Variants in SPATS2L observed in about 807,000 individuals in gnomAD.
SPATS2L encodes the protein SPATS2-like protein.
SPATS2L carries 30 observed loss-of-function variants against 59.6 expected under a neutral mutation model. The observed-to-expected ratio is 0.50, with a 90% CI of 0.38 to 0.68. The LOEUF (loss-of-function observed/expected upper bound fraction) is 0.68, where lower values mean the gene tolerates loss of function less well. SPATS2L is among the 30% of genes least tolerant of loss of function. SPATS2L has a pLI of 0.00. For missense variants in SPATS2L, 615 were observed against 700.0 expected (o/e 0.88, Z 1.37); for synonymous variants, 252 against 263.5 (o/e 0.96, Z 0.42).
chr2:200,337,268 T>A (rs1272316931), intron 2 of SPATS2L, among the ~76,000 whole-genome samples: 4 of 152,254 alleles, frequency 2.6e-5, no homozygotes, highest in South Asian at 2.1e-4. Flanking sequence ...CAAAATTTTT[T>A]AATAAAGTAA....
Position 200,482,195 on chromosome 2 carries a change from A to C in SPATS2L, c.*4164A>C, listed in dbSNP as rs1378072755. On this transcript the variant is annotated 3_prime_UTR_variant, in exon 13 of 13. Transcript: ENST00000409140. ...GCTAAGAATTTGAAATGTAATTTAA[A>C]TACTATTCTTTACAATCCATTATAA... The C allele has an allele frequency of 1.3e-5, 2 of 152,198 alleles. No homozygotes were observed. The highest frequency in any genetic ancestry group is 2.9e-5 in the Non-Finnish European group (2 of 68,032). 9.4% of individuals were successfully genotyped at this position (152,198 alleles called of 1,614,324 possible). A position where few individuals can be genotyped will look rare whatever the true frequency, so the allele number is the denominator to read the frequency against.
intron 2 of SPATS2L, among the ~76,000 whole-genome samples, chr2:200,379,950 A>G (rs759890225): frequency 2.6e-5 from 4 of 152,140 alleles, no homozygotes; most frequent in Admixed American, 6.5e-5. Context: ...CCACATCTCT[A>G]TGGAAACACA....
At chr2:200,415,072 T>C (rs889670690) in intron 4 of SPATS2L, among the ~76,000 whole-genome samples, 2 of 152,236 alleles carry the variant, frequency 1.3e-5, no homozygotes, top group Non-Finnish European at 2.9e-5. Context: ...AAAGGGACTT[T>C]CTAAATTTCT....
intron 2 of SPATS2L, among the ~76,000 whole-genome samples, chr2:200,388,728 G>C (rs905769749): frequency 2.0e-5 from 3 of 151,680 alleles, no homozygotes; most frequent in Non-Finnish European, 4.4e-5. Flanking sequence ...TTGTGGGGTG[G>C]ATTCTTATGT....
intron 3 of SPATS2L, among the ~76,000 whole-genome samples, chr2:200,401,272 C>A (rs2082518145): frequency 6.6e-6 from 1 of 152,114 alleles, no homozygotes; most frequent in Non-Finnish European, 1.5e-5. Flanking sequence ...CCATGAGAGA[C>A]CCTGAGGCAG....
Position 200,419,361 on chromosome 2 carries a change from C to A in SPATS2L, c.310C>A (p.Gln104Lys). ...GPLQPQPPQIQNGPMNGCEKD... is the reference protein window; with the variant it reads ...GPLQPQPPQIKNGPMNGCEKD... Reference sequence around the variant, plus strand: ...CCTGCAGCCGCAGCCACCACAGATTCAAAACGGCCCCATGAATGGCTGCGA... The same window carrying A: ...CCTGCAGCCGCAGCCACCACAGATTAAAAACGGCCCCATGAATGGCTGCGA... Residue 104 changes from glutamine (Q) to lysine (K), a missense_variant, in exon 6 of 13, where the codon CAA becomes AAA. Coordinates refer to ENST00000409140, the MANE Select transcript of SPATS2L (RefSeq NM_001100423.2). 6.2e-7 allele frequency: 1 copy of A among 1,612,172 alleles called. No homozygotes were observed. The highest frequency in any genetic ancestry group is 1.1e-5 in the South Asian group (1 of 90,652).
At chr2:200,440,539 C>A in intron 7 of SPATS2L, 110 bp from the exon 8 acceptor site, 11 of 1,087,360 alleles carry the variant, frequency 1.0e-5, no homozygotes, top group Non-Finnish European at 1.4e-5. Flanking sequence ...TTTTACTAGA[C>A]AAAAGATGAG....
rs887220024 is a variant in SPATS2L, at chr2:200,306,893, G to C, written c.-102G>C. 1 of 981,300 alleles carries C rather than the reference G, an allele frequency of 1.0e-6. No individual in the cohort carries two copies. The highest frequency in any genetic ancestry group is 1.2e-6 in the Non-Finnish European group (1 of 828,314). The allele number at this position is 981,300 out of a possible 1,614,324, so 60.8% of individuals were successfully genotyped here. ...CGCCCCCGGGCCCCGGCTCCGGCCCGGGACGGAGGAGCCGGCGCTCGACAC... is the reference window on the plus strand; with the variant it reads ...CGCCCCCGGGCCCCGGCTCCGGCCCCGGACGGAGGAGCCGGCGCTCGACAC... On this transcript the variant is annotated 5_prime_UTR_variant, in exon 1 of 13. Transcript: ENST00000409140.
intron 2 of SPATS2L, among the ~76,000 whole-genome samples, chr2:200,361,922 A>G (rs2081119775): frequency 6.6e-6 from 1 of 152,116 alleles, no homozygotes; most frequent in Non-Finnish European, 1.5e-5. Flanking sequence ...GTCTTTTAGG[A>G]TATTGAAACC....
At chr2:200,334,245 G>T (rs1223168475) in intron 2 of SPATS2L, among the ~76,000 whole-genome samples, 1 of 152,200 alleles carries the variant, frequency 6.6e-6, no homozygotes, top group Non-Finnish European at 1.5e-5. Flanking sequence ...GCATTTCTCT[G>T]ATGGCCAGTG....
chr2:200,397,472 A>G (rs1463052390), intron 3 of SPATS2L, among the ~76,000 whole-genome samples: 1 of 152,176 alleles, frequency 6.6e-6, no homozygotes, highest in Admixed American at 6.5e-5. Flanking sequence ...TAGATTAGAC[A>G]GACAGGTAGA....
intron 2 of SPATS2L, among the ~76,000 whole-genome samples, chr2:200,370,279 GTGATTTTCCTGTTCAATA>G (rs1275971157): frequency 5.3e-5 from 8 of 152,226 alleles, no homozygotes; most frequent in African/African-American, 1.9e-4. Flanking sequence ...GCAGGACTAA[GTGATTTTCCTGTTCAATA>G]GAATAAATGG....
At chr2:200,429,483 T>A (rs1360211685) in intron 6 of SPATS2L, among the ~76,000 whole-genome samples, 2 of 152,094 alleles carry the variant, frequency 1.3e-5, no homozygotes, top group East Asian at 3.9e-4. Flanking sequence ...GTGAAGAAAC[T>A]TGTCAAAGGG....
intron 11 of SPATS2L, among the ~76,000 whole-genome samples, chr2:200,471,353 C>G (rs1418170135): frequency 6.6e-6 from 1 of 152,130 alleles, no homozygotes; most frequent in Non-Finnish European, 1.5e-5. Context: ...AAAAAGGGAA[C>G]TGCCCACCCT....
intron 3 of SPATS2L, among the ~76,000 whole-genome samples, chr2:200,401,466 C>A (rs1480355089): frequency 6.6e-6 from 1 of 152,096 alleles, no homozygotes; most frequent in Non-Finnish European, 1.5e-5. Flanking sequence ...TAAAACTGTT[C>A]TAAACTAGAA....
At chr2:200,327,305 A>G (rs2079784615) in intron 1 of SPATS2L, among the ~76,000 whole-genome samples, 1 of 151,892 alleles carries the variant, frequency 6.6e-6, no homozygotes, top group Non-Finnish European at 1.5e-5. Flanking sequence ...TTGAGAGGCC[A>G]AGGCAGGAGA....
In SPATS2L at chr2:200,312,292, T is replaced by C. The variant is rs1420847069; in HGVS notation, c.-73+5370T>C. ...TAAATAATGAGAGGTGCACCCCAGA[T>C]TGTGGTCCCAAGCAGCCAGCCATCT... On this transcript the variant is annotated intron_variant, in intron 1 of 12. Transcript: ENST00000409140. 2.6e-5 allele frequency among the ~76,000 whole-genome samples: 4 copies of C among 152,290 alleles called. No individual in the cohort carries two copies. In the East Asian group the frequency reaches 5.8e-4, roughly 22 times the overall value.
intron 4 of SPATS2L, among the ~76,000 whole-genome samples, chr2:200,414,210 CA>C (rs1374320440): frequency 6.6e-6 from 1 of 152,142 alleles, no homozygotes; most frequent in Non-Finnish European, 1.5e-5. Flanking sequence ...TGTACTTAAA[CA>C]GAGCACCTTG....
chr2:200,440,892 A>T lies in SPATS2L; in HGVS notation c.788+108A>T, dbSNP rs563497956. 31 of 1,268,440 alleles carry T rather than the reference A, an allele frequency of 2.4e-5. No individual in the cohort carries two copies. In the East Asian group the frequency reaches 7.2e-4, roughly 29 times the overall value. 78.6% of individuals were successfully genotyped at this position (1,268,440 alleles called of 1,614,324 possible). A position where few individuals can be genotyped will look rare whatever the true frequency, so the allele number is the denominator to read the frequency against. On this transcript the variant is annotated intron_variant, in intron 8 of 12. Coordinates refer to ENST00000409140, the MANE Select transcript of SPATS2L (RefSeq NM_001100423.2). ...TTATTTAATACATAAACATCACAGA[A>T]TAACTCTCCAGCAAATTTTGTTAAG...
Sources: allele counts gnomAD v4.1 joint callset (sites outside exome capture counted in the v4.1 genomes callset), GRCh38; gene constraint gnomAD v4.1.1; transcripts MANE v1.5; gene names NCBI Gene and HGNC (gene_info 2026-07-23, HGNC 2026-07-21).